Variants in OR4F15 observed in about 807,000 individuals in gnomAD.
The protein encoded by OR4F15 is olfactory receptor 4F15.
In OR4F15, 7 loss-of-function variants were observed where a neutral mutation model predicts 11.9. The ratio of observed to expected loss-of-function variants is 0.59; its 90% CI spans 0.33 to 1.10. OR4F15 has a LOEUF of 1.10. Among genes scored for constraint, OR4F15 ranks in the 50% least tolerant of loss-of-function variants. The pLI is 0.03. For missense variants in OR4F15, 445 were observed against 377.5 expected (o/e 1.18, Z -1.48); for synonymous variants, 151 against 134.6 (o/e 1.12, Z -0.84).
At chr15:101,815,085 C>A (rs965479918) in intron 1 of OR4F15, among the ~76,000 whole-genome samples, 1 of 152,064 alleles carries the variant, frequency 6.6e-6, no homozygotes, top group African/African-American at 2.4e-5. Context: ...CATTTCTAGA[C>A]AAGTGTTTGT....
chr15:101,814,694 TTTC>T (rs1391250615), intron 1 of OR4F15, among the ~76,000 whole-genome samples: 1 of 152,182 alleles, frequency 6.6e-6, no homozygotes, highest in Non-Finnish European at 1.5e-5. Context: ...AATTTCCCCT[TTTC>T]TTTTTTTCTC....
intron 1 of OR4F15, among the ~76,000 whole-genome samples, chr15:101,813,828 C>T (rs928137894): frequency 2.0e-5 from 3 of 152,184 alleles, no homozygotes; most frequent in Non-Finnish European, 2.9e-5. Context: ...ATTTGTCACA[C>T]TATCACAATT....
rs552752614 is a variant in OR4F15 at position 101,819,404 on chromosome 15, T to C, written c.*279T>C. 1.2e-3 allele frequency: 400 copies of C among 321,396 alleles called. 1 individual carries two copies. The highest frequency in any genetic ancestry group is 1.9e-3 in the Non-Finnish European group (330 of 176,696). 19.9% of individuals were successfully genotyped at this position (321,396 alleles called of 1,614,324 possible). ...TGCCATGTAATTGAACAAATAACAA[T>C]ACTATGTCTTTTATTTTTTCTACTG... On this transcript the variant is annotated 3_prime_UTR_variant, in exon 2 of 2. Coordinates refer to ENST00000332238, the MANE Select transcript of OR4F15 (RefSeq NM_001001674.2).
chr15:101,817,459 T>G (rs1279076377), intron 1 of OR4F15, among the ~76,000 whole-genome samples: 1 of 152,134 alleles, frequency 6.6e-6, no homozygotes, highest in African/African-American at 2.4e-5. Context: ...GAGCTACCGT[T>G]GTGGATCAGT....
In OR4F15 at chr15:101,818,973, C is replaced by A. The variant is rs766462442; in HGVS notation, c.787C>A (p.Pro263Thr). The A allele has an allele frequency of 5.4e-5, 87 of 1,614,140 alleles. No individual in the cohort carries two copies. Among genetic ancestry groups the A allele is most frequent in the Non-Finnish European group, 7.3e-5 (86 of 1,180,006 alleles). ...PLMFFYTWPS[P>T]TSHLDKYLAI... ...GATGTTTTTCTACACATGGCCTTCT[C>A]CCACATCACACCTGGATAAATATCT... The change falls in exon 2 of 2, where the codon CCC becomes ACC. Residue 263 changes from proline (P) to threonine (T), a missense_variant. Pro to Thr is a conservative substitution (Grantham distance 38). Transcript: ENST00000332238.
chr15:101,819,103 C>A lies in OR4F15; in HGVS notation c.917C>A (p.Ala306Glu), dbSNP rs532208355. ...VAMRRLCSRL[A>E]HFTKIL ...ATGAGGAGACTGTGCAGTCGTCTTG[C>A]GCATTTTACAAAGATTTTGTAAATG... is the stretch of plus-strand genomic sequence containing the variant. Residue 306 changes from alanine to glutamate, a missense_variant, in exon 2 of 2, where the codon GCG becomes GAG. Physicochemically the swap from Ala to Glu is moderately radical, Grantham distance 107. Transcript: ENST00000332238. 19 of 1,605,442 alleles carry A rather than the reference C, an allele frequency of 1.2e-5. 1 individual carries two copies. The South Asian group carries it at 1.9e-4, about 16-fold the overall frequency.
chr15:101,816,321 C>T (rs1902988245), intron 1 of OR4F15, among the ~76,000 whole-genome samples: 1 of 152,128 alleles, frequency 6.6e-6, no homozygotes, highest in Non-Finnish European at 1.5e-5. Context: ...GGGATGGAGG[C>T]ATCCTCTAGA....
intron 1 of OR4F15, among the ~76,000 whole-genome samples, chr15:101,817,471 A>C (rs910261621): frequency 6.6e-6 from 1 of 152,166 alleles, no homozygotes; most frequent in Non-Finnish European, 1.5e-5. Context: ...TGGATCAGTT[A>C]CGGCTTCTAT....
chr15:101,814,367 T>C (rs1902955214), intron 1 of OR4F15, among the ~76,000 whole-genome samples: 1 of 152,172 alleles, frequency 6.6e-6, no homozygotes, highest in East Asian at 1.9e-4. Context: ...AAGAGTCTCA[T>C]GTCTTGCATG....
At chr15:101,814,212 A>ACT (rs1269948262) in intron 1 of OR4F15, among the ~76,000 whole-genome samples, 1 of 151,960 alleles carries the variant, frequency 6.6e-6, no homozygotes, top group Non-Finnish European at 1.5e-5. Context: ...TTATTCTTTT[A>ACT]CTCAGTTCTG....
rs1903068109 is a variant in OR4F15 at position 101,819,589 on chromosome 15, C to G, written c.*464C>G. Reference sequence around the variant, plus strand: ...TGGCATGATTTCAGCTCACTGCAACCTCTGCCTCTCCGGTTCAAGGGTTCG... The same window carrying G: ...TGGCATGATTTCAGCTCACTGCAACGTCTGCCTCTCCGGTTCAAGGGTTCG... On this transcript the variant is annotated 3_prime_UTR_variant, in exon 2 of 2. Transcript: ENST00000332238. 1 of 153,600 alleles carries G rather than the reference C, an allele frequency of 6.5e-6. No individual in the cohort carries two copies. The highest frequency in any genetic ancestry group is 2.0e-4 in the South Asian group (1 of 4,908). The allele number at this position is 153,600 out of a possible 1,614,324, so 9.5% of individuals were successfully genotyped here.
At chr15:101,817,037 C>G (rs1903000562) in intron 1 of OR4F15, among the ~76,000 whole-genome samples, 1 of 151,978 alleles carries the variant, frequency 6.6e-6, no homozygotes, top group Non-Finnish European at 1.5e-5. Context: ...GGTGTATTAT[C>G]TACATTAGAG....
chr15:101,817,217 G>T (rs533398603), intron 1 of OR4F15, among the ~76,000 whole-genome samples: 1 of 152,096 alleles, frequency 6.6e-6, no homozygotes, highest in Non-Finnish European at 1.5e-5. Context: ...TTATGCAAAT[G>T]TTTCTTTGAG....
intron 1 of OR4F15, among the ~76,000 whole-genome samples, chr15:101,817,151 C>A (rs540472879): frequency 6.6e-6 from 1 of 152,096 alleles, no homozygotes; most frequent in East Asian, 1.9e-4. Context: ...TATTAGAAGC[C>A]TTTTATTGAC....
intron 1 of OR4F15, among the ~76,000 whole-genome samples, chr15:101,816,504 G>A (rs1902991476): frequency 6.6e-6 from 1 of 152,072 alleles, no homozygotes; most frequent in South Asian, 2.1e-4. Flanking sequence ...GTGTGTGTGT[G>A]TGTGTGGTAA....
chr15:101,812,588 C>T (rs140430171), intron 1 of OR4F15, among the ~76,000 whole-genome samples: 1 of 152,036 alleles, frequency 6.6e-6, no homozygotes, highest in Non-Finnish European at 1.5e-5. Context: ...TCCTAACAAG[C>T]TTGTTGTTTA....
At chr15:101,814,948 C>A (rs1056450566) in intron 1 of OR4F15, among the ~76,000 whole-genome samples, 2 of 152,112 alleles carry the variant, frequency 1.3e-5, no homozygotes, top group South Asian at 4.1e-4. Flanking sequence ...GGAGGAAGCA[C>A]CACATATATT....
chr15:101,813,031 A>G (rs1902931380), intron 1 of OR4F15, among the ~76,000 whole-genome samples: 1 of 152,220 alleles, frequency 6.6e-6, no homozygotes, highest in Non-Finnish European at 1.5e-5. Flanking sequence ...GAATAAAACT[A>G]GAGGGTACAG....
intron 1 of OR4F15, among the ~76,000 whole-genome samples, chr15:101,816,723 A>G (rs1902994979): frequency 6.6e-6 from 1 of 152,164 alleles, no homozygotes; most frequent in Non-Finnish European, 1.5e-5. Flanking sequence ...CTAAATCAGG[A>G]ACACTTCATT....
Sources: gnomAD v4.1 joint callset for allele counts (sites outside exome capture counted in the v4.1 genomes callset) on GRCh38, gnomAD v4.1.1 for gene constraint, MANE v1.5 for transcripts, NCBI Gene and HGNC (gene_info 2026-07-23, HGNC 2026-07-21) for gene names.